The following IVNS1ABP variants were observed in gnomAD, a reference collection of about 807,000 sequenced individuals.
IVNS1ABP encodes the protein influenza virus NS1A binding protein, also known as influenza virus NS1A-binding protein.
IVNS1ABP carries 25 observed loss-of-function variants against 78.9 expected under a neutral mutation model. The observed-to-expected ratio is 0.32, with a 90% CI of 0.23 to 0.44. The LOEUF (loss-of-function observed/expected upper bound fraction) is 0.44, where lower values mean the gene tolerates loss of function less well. IVNS1ABP is among the 20% of genes least tolerant of loss of function. The pLI is 1.00. For synonymous variants in IVNS1ABP, 241 were observed against 259.7 expected (o/e 0.93, Z 0.69); for missense variants, 494 against 768.9 (o/e 0.64, Z 4.23).
rs201689737 is a variant in IVNS1ABP, at chr1:185,309,153, A to G, written c.131T>C (p.Leu44Ser). 1 of 1,593,940 alleles carries G rather than the reference A, an allele frequency of 6.3e-7. No homozygotes were observed. Among genetic ancestry groups the G allele is most frequent in the East Asian group, 2.2e-5 (1 of 44,578 alleles). Reference protein sequence around the residue: ...VRLQVCGHEMLAHRAVLACCS... With the variant: ...VRLQVCGHEMSAHRAVLACCS... ...GCAAGCTAGCACTGCTCTGTGTGCT[A>G]ACATTTCATGGCCACAGACCTGAAA... Residue 44 changes from leucine (L) to serine (S), a missense_variant, in exon 4 of 15, where the codon TTA becomes TCA. By Grantham distance (145) the Leu-to-Ser change is moderately radical. Transcript: ENST00000367498.
chr1:185,309,226 G>T, intron 3 of IVNS1ABP, 54 bp from the exon 4 acceptor site: 1 of 1,335,296 alleles, frequency 7.5e-7, no homozygotes, highest in Non-Finnish European at 1.0e-6. Flanking sequence ...TGCTTCTCTA[G>T]CTAATTACTA....
At chr1:185,299,963 G>A (rs1665526965) in intron 13 of IVNS1ABP, 36 bp downstream of exon 13, 3 of 1,606,122 alleles carry the variant, frequency 1.9e-6, no homozygotes, top group South Asian at 1.1e-5. Flanking sequence ...TGATTTGAAG[G>A]TCTTTAAAAA....
At chr1:185,301,749 A>G (rs1571740556) in intron 8 of IVNS1ABP, 186 bp from the exon 9 acceptor site, 1 of 514,914 alleles carries the variant, frequency 1.9e-6, no homozygotes, top group South Asian at 2.9e-5. Context: ...ATCTCCACTC[A>G]ATGATGAGAC....
chr1:185,307,441 C>A lies in IVNS1ABP; in HGVS notation c.531+48G>T. ...GCTTGAAACACAGACCAAGATTCCA[C>A]GCCTGGAACTAGATAGTATATATCT... On this transcript the variant is annotated intron_variant, in intron 6 of 14. Transcript: ENST00000367498. The A allele has an allele frequency of 3.6e-6, 5 of 1,397,640 alleles. No individual in the cohort carries two copies. The South Asian group carries it at 3.8e-5, about 11-fold the overall frequency. The allele number at this position is 1,397,640 out of a possible 1,614,324, so 86.6% of individuals were successfully genotyped here.
intron 1 of IVNS1ABP, among the ~76,000 whole-genome samples, chr1:185,312,690 A>G (rs1057013125): frequency 6.6e-6 from 1 of 152,150 alleles, no homozygotes; most frequent in African/African-American, 2.4e-5. Flanking sequence ...CCTCTGCTCT[A>G]CCTTTTATCT....
chr1:185,300,390 G>C, intron 11 of IVNS1ABP, 47 bp from the exon 12 acceptor site: 1 of 1,613,324 alleles, frequency 6.2e-7, no homozygotes, highest in Non-Finnish European at 8.5e-7. Context: ...CTGAAGTTAC[G>C]AGGAAAAAGC....
chr1:185,308,348 C>T (rs1179753067), intron 5 of IVNS1ABP, among the ~76,000 whole-genome samples: 1 of 152,160 alleles, frequency 6.6e-6, no homozygotes, highest in Non-Finnish European at 1.5e-5. Flanking sequence ...AAATAGGCAG[C>T]TGGCCAGTAG....
Position 185,317,118 on chromosome 1 carries a change from G to C in IVNS1ABP, c.-412C>G. On this transcript the variant is annotated 5_prime_UTR_variant, in exon 1 of 15. Coordinates refer to ENST00000367498, the MANE Select transcript of IVNS1ABP (RefSeq NM_006469.5). ...CAGTCCGTGGAGACTGAAAGGAAGGGGGAGCGCCACCGAGAACTCGCGGGA... is the reference window on the plus strand; with the variant it reads ...CAGTCCGTGGAGACTGAAAGGAAGGCGGAGCGCCACCGAGAACTCGCGGGA... The C allele has an allele frequency of 2.6e-6, 1 of 387,010 alleles. No homozygotes were observed. 24.0% of individuals were successfully genotyped at this position (387,010 alleles called of 1,614,324 possible). A position where few individuals can be genotyped will look rare whatever the true frequency, so the allele number is the denominator to read the frequency against.
At chr1:185,299,001 A>G (rs535336612) in intron 14 of IVNS1ABP, 1 of 152,396 alleles carries the variant, frequency 6.6e-6, no homozygotes, top group Non-Finnish European at 1.5e-5. Flanking sequence ...CGTAGCTTAG[A>G]AAAAATTTTA....
At chr1:185,307,406 T>G (rs931577260) in intron 6 of IVNS1ABP, 83 bp downstream of exon 6, 1 of 1,068,576 alleles carries the variant, frequency 9.4e-7, no homozygotes. Context: ...TTCATAATCA[T>G]TACTCACTTG....
chr1:185,305,608 C>T lies in IVNS1ABP; in HGVS notation c.693G>A (p.Leu231=). 1 of 1,613,306 alleles carries T rather than the reference C, an allele frequency of 6.2e-7. No homozygotes were observed. Among genetic ancestry groups the T allele is most frequent in the Non-Finnish European group, 8.5e-7 (1 of 1,179,562 alleles). ...GTCCATCTAGTAGGTTCCCATCAAG[C>T]AGCTTGTGATCAGCTGAGTAGTACA... ...QTLYYSADHK[L]LDGNLLDGQA... is the part of the protein sequence containing the mutation. The change falls in exon 8 of 15, where the codon CTG becomes CTA. Residue 231 remains leucine (L), a synonymous_variant. Coordinates refer to ENST00000367498, the MANE Select transcript of IVNS1ABP (RefSeq NM_006469.5). This position sits in a 1 kb window ranked among gnomAD's most constrained non-coding sequence, Gnocchi z 4.0.
chr1:185,316,908 G>A (rs1356470785), intron 1 of IVNS1ABP, 45 bp downstream of exon 1: 2 of 397,892 alleles, frequency 5.0e-6, no homozygotes, highest in Non-Finnish European at 8.9e-6. Flanking sequence ...GATTCTAGCC[G>A]CGCCGTCTCC....
intron 2 of IVNS1ABP, among the ~76,000 whole-genome samples, chr1:185,309,747 G>C (rs1438520354): frequency 6.6e-6 from 1 of 152,092 alleles, no homozygotes; most frequent in Non-Finnish European, 1.5e-5. Context: ...CAGCTATCTC[G>C]ACAATTTTGG....
chr1:185,313,417 T>G (rs968817738), intron 1 of IVNS1ABP, among the ~76,000 whole-genome samples: 2 of 152,192 alleles, frequency 1.3e-5, no homozygotes, highest in Non-Finnish European at 2.9e-5. Context: ...CTAGATGACA[T>G]TTAAGTTAAT....
rs751223577 is a variant in IVNS1ABP at position 185,301,018 on chromosome 1, T to C, written c.1074A>G (p.Arg358=). 10 of 1,613,426 alleles carry C rather than the reference T, an allele frequency of 6.2e-6. No individual in the cohort carries two copies. The highest frequency in any genetic ancestry group is 1.7e-5 in the Admixed American group (1 of 59,862). The part of the protein sequence containing the change: ...EKPMSPMQYA[R]SGLGTAEMNG... ...TCATCTCTGCTGTTCCCAGACCAGA[T>C]CGTGCGTACTGCATAGGAGACATGG... The change falls in exon 10 of 15, where the codon CGA becomes CGG. Residue 358 remains arginine (R), a synonymous_variant. Coordinates refer to ENST00000367498, the MANE Select transcript of IVNS1ABP (RefSeq NM_006469.5).
intron 4 of IVNS1ABP, 64 bp from the exon 5 acceptor site, chr1:185,308,939 T>TA: frequency 6.3e-7 from 1 of 1,575,756 alleles, no homozygotes; most frequent in South Asian, 1.1e-5. Flanking sequence ...TAAATATATG[T>TA]AGCAAGACTT....
In IVNS1ABP at chr1:185,297,957, C is replaced by T; in HGVS notation, c.*78G>A. The stretch of plus-strand genomic sequence containing the variant: ...GTTAGCAACATCTATACCCACCCAC[C>T]CTCTTTATTCACAAGTGTACCTCTA... On this transcript the variant is annotated 3_prime_UTR_variant, in exon 15 of 15. Transcript: ENST00000367498. 8 of 1,410,954 alleles carry T rather than the reference C, an allele frequency of 5.7e-6. No homozygotes were observed. Among genetic ancestry groups the T allele is most frequent in the Non-Finnish European group, 7.8e-6 (8 of 1,023,688 alleles). The allele number at this position is 1,410,954 out of a possible 1,614,324, so 87.4% of individuals were successfully genotyped here. A position where few individuals can be genotyped will look rare whatever the true frequency, so the allele number is the denominator to read the frequency against.
At position 185,296,494 on chromosome 1, in the gene IVNS1ABP, A is replaced by G. The variant is rs906299944; in HGVS notation, c.*1541T>C. The G allele has an allele frequency of 3.3e-5, 5 of 152,150 alleles. No homozygotes were observed. Among genetic ancestry groups the G allele is most frequent in the South Asian group, 4.1e-4 (2 of 4,836 alleles). The allele number at this position is 152,150 out of a possible 1,614,324, so 9.4% of individuals were successfully genotyped here. On this transcript the variant is annotated 3_prime_UTR_variant, in exon 15 of 15. Transcript: ENST00000367498. ...CATATTAGGCAAATTCAATCTGTCA[A>G]TGTAGTTTTAGTCCAGAACCAAACC...
At chr1:185,306,761 A>T in intron 7 of IVNS1ABP, 15 of 686,436 alleles carry the variant, frequency 2.2e-5, no homozygotes, top group Non-Finnish European at 2.9e-5. Flanking sequence ...TTCTAAAGCA[A>T]ATTACATGCT....
Sources: allele counts gnomAD v4.1 joint callset (sites outside exome capture counted in the v4.1 genomes callset), GRCh38; gene constraint gnomAD v4.1.1; non-coding constraint Gnocchi (gnomAD v3.1); transcripts MANE v1.5; gene names NCBI Gene and HGNC (gene_info 2026-07-23, HGNC 2026-07-21).